Variants in NTM observed in about 807,000 individuals in gnomAD.
NTM encodes IgLON family member 2.
NTM carries 13 observed loss-of-function variants against 42.1 expected under a neutral mutation model. The observed-to-expected ratio is 0.31, with a 90% CI of 0.20 to 0.49. NTM has a LOEUF of 0.49. NTM is among the 20% of genes least tolerant of loss of function. The pLI is 0.99. For missense variants in NTM, 373 were observed against 452.8 expected (o/e 0.82, Z 1.60); for synonymous variants, 187 against 179.2 (o/e 1.04, Z -0.35).
At chr11:132,065,090 A>C (rs2081245836) in intron 2 of NTM, among the ~76,000 whole-genome samples, 1 of 151,874 alleles carries the variant, frequency 6.6e-6, no homozygotes, top group Non-Finnish European at 1.5e-5. Context: ...AGGGCATGTG[A>C]CTCTTGGGGA....
intron 4 of NTM, among the ~76,000 whole-genome samples, chr11:132,296,580 A>T (rs893027766): frequency 1.3e-5 from 2 of 152,186 alleles, no homozygotes; most frequent in African/African-American, 4.8e-5. Flanking sequence ...ACCAGTTCCT[A>T]AGAGACGTCG....
chr11:131,966,872 C>A (rs2062901271), intron 2 of NTM, among the ~76,000 whole-genome samples: 1 of 152,152 alleles, frequency 6.6e-6, no homozygotes, highest in Non-Finnish European at 1.5e-5. Flanking sequence ...GAAGCTGCTG[C>A]TGTTGTCACT....
At chr11:132,225,907 C>T (rs2086165035) in intron 4 of NTM, among the ~76,000 whole-genome samples, 1 of 152,128 alleles carries the variant, frequency 6.6e-6, no homozygotes, top group South Asian at 2.1e-4. Flanking sequence ...GTTCCCCTCC[C>T]TATGTCCATG....
intron 4 of NTM, among the ~76,000 whole-genome samples, chr11:132,252,879 G>A (rs1475240238): frequency 6.6e-6 from 1 of 152,164 alleles, no homozygotes; most frequent in Non-Finnish European, 1.5e-5. Context: ...TTTCCCATTT[G>A]GAGATCCATA....
chr11:132,317,047 G>A (rs554062574), intron 7 of NTM, among the ~76,000 whole-genome samples: 12 of 152,258 alleles, frequency 7.9e-5, no homozygotes, highest in African/African-American at 2.4e-4. Context: ...TGGCCTAGAC[G>A]TTGAGAAGTG....
chr11:132,164,647 G>C (rs113891459), intron 3 of NTM, among the ~76,000 whole-genome samples: 1 of 152,056 alleles, frequency 6.6e-6, no homozygotes, highest in African/African-American at 2.4e-5. Context: ...ATCTACTGTT[G>C]CCATGTTGTC....
chr11:131,441,234 C>T (rs1949601415), intron 1 of NTM, among the ~76,000 whole-genome samples: 1 of 152,138 alleles, frequency 6.6e-6, no homozygotes, highest in African/African-American at 2.4e-5. Context: ...CCAACCAAAG[C>T]CCAGAGACCG....
chr11:131,415,035 G>C (rs954316050), intron 1 of NTM, among the ~76,000 whole-genome samples: 4 of 152,164 alleles, frequency 2.6e-5, no homozygotes, highest in Admixed American at 2.0e-4. Flanking sequence ...CAAAAGCCAG[G>C]TCAGATTCTT....
intron 2 of NTM, among the ~76,000 whole-genome samples, chr11:131,930,719 A>C (rs1423377404): frequency 6.6e-6 from 1 of 152,184 alleles, no homozygotes; most frequent in Non-Finnish European, 1.5e-5. Flanking sequence ...GACTTTTACC[A>C]AATATATAAT....
At chr11:131,627,825 T>C (rs183059062) in intron 1 of NTM, among the ~76,000 whole-genome samples, 39 of 152,254 alleles carry the variant, frequency 2.6e-4, no homozygotes, top group Middle Eastern at 3.4e-3. Flanking sequence ...AGTAAGACTC[T>C]GTCTTAACAA....
At chr11:132,009,879 A>G (rs780822355) in intron 2 of NTM, among the ~76,000 whole-genome samples, 1 of 152,172 alleles carries the variant, frequency 6.6e-6, no homozygotes, top group Non-Finnish European at 1.5e-5. Context: ...AAGAGAGACC[A>G]TATTTTGTGG....
intron 1 of NTM, among the ~76,000 whole-genome samples, chr11:131,580,043 G>C (rs1279166641): frequency 6.6e-6 from 1 of 152,140 alleles, no homozygotes; most frequent in East Asian, 1.9e-4. Flanking sequence ...AATGTACCCA[G>C]AGAGCCTGCA....
chr11:131,737,960 T>C (rs1481544819), intron 1 of NTM, among the ~76,000 whole-genome samples: 1 of 152,208 alleles, frequency 6.6e-6, no homozygotes. Flanking sequence ...AAAAGAAATA[T>C]GCCTGCACAG....
At chr11:131,394,103 AT>A (rs1303099840) in intron 1 of NTM, among the ~76,000 whole-genome samples, 1 of 152,178 alleles carries the variant, frequency 6.6e-6, no homozygotes, top group Non-Finnish European at 1.5e-5. Flanking sequence ...TTTCAACACG[AT>A]TTTCCAATCA....
intron 1 of NTM, among the ~76,000 whole-genome samples, chr11:131,571,120 A>T (rs10750485): frequency 2.0e-5 from 3 of 152,022 alleles, no homozygotes; most frequent in Non-Finnish European, 2.9e-5. Context: ...TGAAATGGGG[A>T]TAATAGTGGC....
At chr11:131,807,471 G>A (rs1242331734) in intron 1 of NTM, among the ~76,000 whole-genome samples, 1 of 152,232 alleles carries the variant, frequency 6.6e-6, no homozygotes, top group South Asian at 2.1e-4. Flanking sequence ...AGAATTAGCA[G>A]TGTGGGCTCT....
chr11:131,677,104 C>T (rs74917409), intron 1 of NTM, among the ~76,000 whole-genome samples: 5,654 of 152,276 alleles, frequency 0.037, 337 homozygotes, highest in African/African-American at 0.13. Context: ...ATGGAAACCG[C>T]ACGGTGGGAT....
At chr11:131,492,982 C>A (rs1954955249) in intron 1 of NTM, among the ~76,000 whole-genome samples, 1 of 152,134 alleles carries the variant, frequency 6.6e-6, no homozygotes, top group Non-Finnish European at 1.5e-5. Flanking sequence ...CTTTGAGAAA[C>A]TGAGGCAGGC....
chr11:131,950,265 G>A (rs1008811474), intron 2 of NTM, among the ~76,000 whole-genome samples: 3 of 152,102 alleles, frequency 2.0e-5, no homozygotes, highest in African/African-American at 7.2e-5. Context: ...CTGAAGTTTG[G>A]CCCACAACAC....
Sources: gnomAD v4.1 joint callset for allele counts (sites outside exome capture counted in the v4.1 genomes callset) on GRCh38, gnomAD v4.1.1 for gene constraint, MANE v1.5 for transcripts, NCBI Gene and HGNC (gene_info 2026-07-23, HGNC 2026-07-21) for gene names.